The following ZBTB7C variants were observed in gnomAD, a reference collection of about 807,000 sequenced individuals.
ZBTB7C encodes zinc finger and BTB domain containing 7C, also known as zinc finger and BTB domain-containing protein 7C.
A neutral mutation model predicts 25.7 loss-of-function variants in ZBTB7C; 8 were observed. That is an observed-to-expected ratio of 0.31 (90% confidence interval 0.18 to 0.56). ZBTB7C has a LOEUF of 0.56. Ranked by LOEUF, ZBTB7C falls within the 20% of genes least tolerant of loss-of-function variation. ZBTB7C has a pLI of 0.91. For missense variants in ZBTB7C, 824 were observed against 855.2 expected (o/e 0.96, Z 0.46); for synonymous variants, 394 against 369.0 (o/e 1.07, Z -0.78).
At chr18:48,402,264 TAAAAAA>T (rs34563418) in intron 1 of ZBTB7C, among the ~76,000 whole-genome samples, 2 of 131,336 alleles carry the variant, frequency 1.5e-5, no homozygotes, top group Non-Finnish European at 3.3e-5. Context: ...TATTTTTAGG[TAAAAAA>T]AAAAAAAAAG....
At chr18:48,157,097 C>T (rs2040861634) in intron 3 of ZBTB7C, among the ~76,000 whole-genome samples, 1 of 152,230 alleles carries the variant, frequency 6.6e-6, no homozygotes. Context: ...GCCACCAACT[C>T]TGGTCAAGCA....
At chr18:48,367,347 C>CACATAT (rs372363765) in intron 1 of ZBTB7C, among the ~76,000 whole-genome samples, 2,867 of 44,822 alleles carry the variant, frequency 0.064, 58 homozygotes, top group Non-Finnish European at 0.12. Context: ...TATATGTGTG[C>CACATAT]ATATATATAT....
At chr18:48,246,740 C>T (rs951303131) in intron 2 of ZBTB7C, among the ~76,000 whole-genome samples, 1 of 151,972 alleles carries the variant, frequency 6.6e-6, no homozygotes, top group Non-Finnish European at 1.5e-5. Flanking sequence ...GACACCATAT[C>T]GTACTTGAGG....
intron 2 of ZBTB7C, among the ~76,000 whole-genome samples, chr18:48,247,739 G>A (rs977731715): frequency 7.4e-6 from 1 of 135,914 alleles, no homozygotes; most frequent in African/African-American, 2.8e-5. Flanking sequence ...ATTGGATCAC[G>A]GGGGTAGTTT....
intron 2 of ZBTB7C, among the ~76,000 whole-genome samples, chr18:48,229,604 A>G (rs887964135): frequency 2.0e-5 from 3 of 152,228 alleles, no homozygotes; most frequent in Non-Finnish European, 2.9e-5. Context: ...CATTACTCAG[A>G]TAGAGATCGC....
chr18:48,170,375 G>C (rs1003864208), intron 3 of ZBTB7C, among the ~76,000 whole-genome samples: 9 of 152,232 alleles, frequency 5.9e-5, no homozygotes, highest in African/African-American at 1.7e-4. Context: ...TGGGGGGCCT[G>C]GCAGCCTCTC....
chr18:48,100,644 C>T (rs1048507611), intron 3 of ZBTB7C, among the ~76,000 whole-genome samples: 3 of 152,158 alleles, frequency 2.0e-5, no homozygotes, highest in African/African-American at 7.2e-5. Flanking sequence ...CTAATGAGCC[C>T]AGTCATTAAA....
Position 48,028,976 on chromosome 18 carries a change from C to T in ZBTB7C, c.*284G>A, listed in dbSNP as rs1431793256. 4.7e-6 allele frequency: 2 copies of T among 427,306 alleles called. No homozygotes were observed. The highest frequency in any genetic ancestry group is 1.0e-4 in the East Asian group (2 of 19,586). The allele number at this position is 427,306 out of a possible 1,614,324, so 26.5% of individuals were successfully genotyped here. A position where few individuals can be genotyped will look rare whatever the true frequency, so the allele number is the denominator to read the frequency against. On this transcript the variant is annotated 3_prime_UTR_variant, in exon 5 of 5. Coordinates refer to ENST00000590800, the MANE Select transcript of ZBTB7C (RefSeq NM_001318841.2). Reference sequence around the variant, plus strand: ...CCTAAGTGCCCCTGGGCACCCAGTTCTTTGTGGCATGGGCCGGTGCAAGTT... The same window carrying T: ...CCTAAGTGCCCCTGGGCACCCAGTTTTTTGTGGCATGGGCCGGTGCAAGTT...
chr18:48,156,456 G>A (rs2040843584), intron 3 of ZBTB7C, among the ~76,000 whole-genome samples: 1 of 152,188 alleles, frequency 6.6e-6, no homozygotes, highest in South Asian at 2.1e-4. Flanking sequence ...TGAGGATTCA[G>A]TTAGAGCTTG....
rs1258024729 is a variant in ZBTB7C, at chr18:48,029,682, C to T, written c.1438G>A (p.Gly480Ser). The T allele has an allele frequency of 1.3e-6, 2 of 1,579,716 alleles. No individual in the cohort carries two copies. The highest frequency in any genetic ancestry group is 1.7e-6 in the Non-Finnish European group (2 of 1,169,622). ...QSCRMARPRR[G>S]RKPAAWRAAS... The stretch of plus-strand genomic sequence containing the variant: ...GCCCTCCACGCAGCAGGCTTGCGGC[C>T]GCGTCGGGGCCGTGCCATGCGGCAG... The change falls in exon 5 of 5, where the codon GGC (glycine) becomes AGC (serine). Residue 480 changes from glycine (G) to serine (S), a missense_variant. Physicochemically the swap from Gly to Ser is moderately conservative, Grantham distance 56. Around this residue, in one of 4 missense-constraint regions of ZBTB7C, gnomAD observed 342 missense variants for 307.0 expected, o/e 1.11. Transcript: ENST00000590800.
chr18:48,262,515 C>T (rs1191873287), intron 2 of ZBTB7C, among the ~76,000 whole-genome samples: 1 of 152,170 alleles, frequency 6.6e-6, no homozygotes, highest in Non-Finnish European at 1.5e-5. Flanking sequence ...TATATGAAAC[C>T]AGGGCTCATA....
chr18:48,053,671 A>G (rs1435368431), intron 3 of ZBTB7C, among the ~76,000 whole-genome samples: 4 of 152,186 alleles, frequency 2.6e-5, no homozygotes, highest in African/African-American at 9.7e-5. Flanking sequence ...GCAGTCTGCA[A>G]CTGTCTCTCT....
chr18:48,340,641 A>AT (rs143592465), intron 1 of ZBTB7C, among the ~76,000 whole-genome samples: 13,804 of 152,180 alleles, frequency 0.091, 692 homozygotes, highest in South Asian at 0.16. Context: ...CAGCACATTC[A>AT]TTTTTGTTGG....
chr18:48,238,327 A>C (rs981355183), intron 2 of ZBTB7C, among the ~76,000 whole-genome samples: 1 of 152,234 alleles, frequency 6.6e-6, no homozygotes, highest in African/African-American at 2.4e-5. Context: ...ACAGTGTGTG[A>C]AGACTCCCAT....
chr18:48,256,853 T>C (rs897513638), intron 2 of ZBTB7C, among the ~76,000 whole-genome samples: 2 of 151,730 alleles, frequency 1.3e-5, no homozygotes, highest in African/African-American at 4.8e-5. Flanking sequence ...ATACAGGTAA[T>C]ACAAATATAG....
At chr18:48,093,678 C>T (rs185479827) in intron 3 of ZBTB7C, among the ~76,000 whole-genome samples, 46 of 152,116 alleles carry the variant, frequency 3.0e-4, no homozygotes, top group African/African-American at 1.1e-3. Context: ...ATAGAAGAGG[C>T]AACAAACTGC....
At chr18:48,116,056 A>G (rs886611111) in intron 3 of ZBTB7C, among the ~76,000 whole-genome samples, 2 of 152,030 alleles carry the variant, frequency 1.3e-5, no homozygotes, top group South Asian at 4.2e-4. Flanking sequence ...ACTCTTTTGC[A>G]TGTATCAAGT....
At chr18:48,372,880 G>A (rs1261375608) in intron 1 of ZBTB7C, among the ~76,000 whole-genome samples, 1 of 152,118 alleles carries the variant, frequency 6.6e-6, no homozygotes, top group Admixed American at 6.5e-5. Context: ...GTATGTGTCT[G>A]GCAAACTGGC....
chr18:48,266,239 G>C (rs192351214), intron 2 of ZBTB7C, among the ~76,000 whole-genome samples: 2 of 152,160 alleles, frequency 1.3e-5, no homozygotes, highest in African/African-American at 2.4e-5. Context: ...CCAGGCCTCC[G>C]ATCCCACAAC....
Sources: gnomAD v4.1 joint callset for allele counts (sites outside exome capture counted in the v4.1 genomes callset) on GRCh38, gnomAD v4.1.1 for gene constraint, gnomAD v4.1.1 regional missense constraint, MANE v1.5 for transcripts, NCBI Gene and HGNC (gene_info 2026-07-23, HGNC 2026-07-21) for gene names.